The following OR51B5 variants were observed in gnomAD, a reference collection of about 807,000 sequenced individuals.
OR51B5 encodes the protein olfactory receptor family 51 subfamily B member 5.
For synonymous variants in OR51B5, 186 were observed against 144.8 expected, an observed-to-expected ratio of 1.28 and a Z score of -2.04; for missense variants, 456 against 374.6, an observed-to-expected ratio of 1.22 and a Z score of -1.79.
At chr11:5,385,887 C>T (rs1589967523) in intron 1 of OR51B5, among the ~76,000 whole-genome samples, 1 of 148,566 alleles carries the variant, frequency 6.7e-6, no homozygotes, top group African/African-American at 2.5e-5. Context: ...AATCTATACA[C>T]TTATATGTTA....
intron 1 of OR51B5, chr11:5,389,844 C>G (rs1849765321): frequency 6.2e-7 from 1 of 1,613,948 alleles, no homozygotes; most frequent in Non-Finnish European, 8.5e-7. Context: ...GTCATTATCA[C>G]TGGCCAGCAA....
intron 1 of OR51B5, chr11:5,391,016 ATC>A (rs1312595224): frequency 6.6e-6 from 1 of 152,266 alleles, no homozygotes; most frequent in African/African-American, 2.4e-5. Flanking sequence ...GACTCCTCTC[ATC>A]TCTGATTTTA....
At chr11:5,407,175 G>A (rs995978214) in intron 1 of OR51B5, among the ~76,000 whole-genome samples, 1 of 152,056 alleles carries the variant, frequency 6.6e-6, no homozygotes, top group African/African-American at 2.4e-5. Context: ...TGAGGGTACA[G>A]GATATATTCA....
downstream of OR51B5, among the ~76,000 whole-genome samples, chr11:5,341,563 A>AGGGAG (rs1848893499): frequency 6.6e-6 from 1 of 152,174 alleles, no homozygotes; most frequent in Admixed American, 6.5e-5. Context: ...TTTTAAATTG[A>AGGGAG]GTTATGGGTC....
chr11:5,414,012 A>C (rs1487480739), intron 1 of OR51B5, among the ~76,000 whole-genome samples: 2 of 148,776 alleles, frequency 1.3e-5, no homozygotes, highest in Non-Finnish European at 3.0e-5. Flanking sequence ...TGAAGGAAAA[A>C]ATGTTAAGGG....
At chr11:5,489,072 C>G (rs1470966666) in intron 1 of OR51B5, 2 of 1,613,916 alleles carry the variant, frequency 1.2e-6, no homozygotes, top group Admixed American at 1.7e-5. Flanking sequence ...TTGCCATGGC[C>G]TTTGATAGGT....
intron 1 of OR51B5, chr11:5,489,388 G>T (rs764800941): frequency 6.2e-7 from 1 of 1,613,900 alleles, no homozygotes; most frequent in South Asian, 1.1e-5. Flanking sequence ...CCTCCATGCA[G>T]TCTTTCATCT....
At chr11:5,407,759 G>A (rs1383292859) in intron 1 of OR51B5, among the ~76,000 whole-genome samples, 1 of 149,934 alleles carries the variant, frequency 6.7e-6, no homozygotes, top group Admixed American at 6.6e-5. Flanking sequence ...TTTAATATCT[G>A]TACTTTATAA....
chr11:5,427,003 C>T (rs994605046), intron 1 of OR51B5, among the ~76,000 whole-genome samples: 7 of 152,188 alleles, frequency 4.6e-5, no homozygotes, highest in African/African-American at 1.7e-4. Flanking sequence ...CATTTGTTCA[C>T]AGTGAAGTTC....
chr11:5,411,891 C>G (rs10768937), intron 1 of OR51B5, among the ~76,000 whole-genome samples: 123,641 of 152,092 alleles, frequency 0.81, 51,306 homozygotes, highest in Non-Finnish European at 0.89. Context: ...TTGGCCTCTA[C>G]AAGCTGGAAA....
At chr11:5,454,073 C>T (rs898877747) in intron 1 of OR51B5, 4 of 1,614,040 alleles carry the variant, frequency 2.5e-6, no homozygotes, top group Non-Finnish European at 3.4e-6. Flanking sequence ...TCAGTATCAA[C>T]AGCATCTATG....
At chr11:5,389,934 C>T (rs2133728698) in intron 1 of OR51B5, 1 of 1,611,334 alleles carries the variant, frequency 6.2e-7, no homozygotes, top group Middle Eastern at 1.6e-4. Flanking sequence ...AAGGCTTTTC[C>T]CTACTGTGGA....
intron 1 of OR51B5, among the ~76,000 whole-genome samples, chr11:5,470,291 C>A (rs555401737): frequency 2.6e-5 from 4 of 152,246 alleles, no homozygotes; most frequent in Admixed American, 2.6e-4. Context: ...TATGTCCCAC[C>A]CATTATCACT....
chr11:5,372,206 T>G (rs1454952270), intron 1 of OR51B5, among the ~76,000 whole-genome samples: 1 of 152,224 alleles, frequency 6.6e-6, no homozygotes. Flanking sequence ...GTCTTGGCTA[T>G]TGTGAATAAT....
chr11:5,355,728 C>A (rs1413785275), intron 1 of OR51B5: 1 of 149,604 alleles, frequency 6.7e-6, no homozygotes, highest in Admixed American at 6.7e-5. Context: ...TTCAAATAAA[C>A]CTTGGGAAAT....
intron 1 of OR51B5, among the ~76,000 whole-genome samples, chr11:5,366,936 G>T (rs959736816): frequency 6.6e-6 from 1 of 152,116 alleles, no homozygotes; most frequent in East Asian, 1.9e-4. Context: ...GCCTGGACTT[G>T]GTGTCATCTC....
intron 1 of OR51B5, chr11:5,362,658 C>A: frequency 5.0e-6 from 1 of 198,572 alleles, no homozygotes. Flanking sequence ...CCGGTCAACC[C>A]AGCTGTCTTC....
chr11:5,503,859 T>C (rs1311682233), intron 1 of OR51B5, among the ~76,000 whole-genome samples: 1 of 152,176 alleles, frequency 6.6e-6, no homozygotes, highest in East Asian at 1.9e-4. Context: ...TAAATTAACT[T>C]GATTTATTGC....
At chr11:5,388,157 T>C (rs1476253351) in intron 1 of OR51B5, among the ~76,000 whole-genome samples, 1 of 152,122 alleles carries the variant, frequency 6.6e-6, no homozygotes, top group East Asian at 1.9e-4. Flanking sequence ...TAATGATACA[T>C]ATTTAATAAT....
Sources: gnomAD v4.1 joint callset for allele counts (sites outside exome capture counted in the v4.1 genomes callset) on GRCh38, gnomAD v4.1.1 for gene constraint, MANE v1.5 for transcripts, NCBI Gene and HGNC (gene_info 2026-07-23, HGNC 2026-07-21) for gene names.